Variants in FER observed in about 807,000 individuals in gnomAD.
FER encodes the protein FER tyrosine kinase.
Under a neutral mutation model 111.0 loss-of-function variants are expected in FER, and 63 were observed. That is an observed-to-expected ratio of 0.57 (90% CI 0.46 to 0.70). FER has a LOEUF of 0.70. Ranked by LOEUF, FER falls within the 30% of genes least tolerant of loss-of-function variation. The probability of loss-of-function intolerance (pLI) is 0.00; values close to 1 mark genes in which losing one functional copy is unlikely to be tolerated. For synonymous variants in FER, 327 were observed against 313.9 expected (o/e 1.04, Z -0.44); for missense variants, 914 against 954.0 (o/e 0.96, Z 0.55).
chr5:108,847,894 A>T (rs1049575767), intron 5 of FER, among the ~76,000 whole-genome samples: 7 of 151,034 alleles, frequency 4.6e-5, no homozygotes, highest in Non-Finnish European at 1.0e-4. Flanking sequence ...TTTATATTTT[A>T]TTTTTTTTAC....
intron 5 of FER, among the ~76,000 whole-genome samples, chr5:108,844,756 T>C (rs191025591): frequency 1.0e-3 from 156 of 151,966 alleles, no homozygotes; most frequent in Middle Eastern, 3.4e-3. Context: ...AGGAACCATA[T>C]AGTACACACT....
intron 17 of FER, among the ~76,000 whole-genome samples, chr5:109,164,898 A>T (rs1395359645): frequency 6.6e-6 from 1 of 152,144 alleles, no homozygotes; most frequent in Non-Finnish European, 1.5e-5. Flanking sequence ...TTTTAAACAG[A>T]TGAATCAACA....
At chr5:108,789,971 A>G (rs1448396349) in intron 2 of FER, among the ~76,000 whole-genome samples, 7 of 152,168 alleles carry the variant, frequency 4.6e-5, no homozygotes, top group South Asian at 4.1e-4. Flanking sequence ...AACAGAAGTG[A>G]TATTTTTCCA....
chr5:109,084,442 G>A (rs1777329898), intron 16 of FER, among the ~76,000 whole-genome samples: 1 of 151,800 alleles, frequency 6.6e-6, no homozygotes, highest in Admixed American at 6.6e-5. Context: ...CTACTGAATG[G>A]TACACTTAAA....
chr5:109,029,952 C>A (rs1428483107), intron 13 of FER, among the ~76,000 whole-genome samples: 2 of 152,074 alleles, frequency 1.3e-5, no homozygotes, highest in Non-Finnish European at 2.9e-5. Context: ...TCAGATTATA[C>A]AAATGTGGGA....
chr5:108,987,469 C>G (rs1290880401), intron 13 of FER, among the ~76,000 whole-genome samples: 2 of 151,952 alleles, frequency 1.3e-5, no homozygotes, highest in South Asian at 4.2e-4. Context: ...ACAAAAAAAT[C>G]GAAAACCAAA....
At chr5:108,836,948 G>A (rs1760729298) in intron 5 of FER, among the ~76,000 whole-genome samples, 1 of 152,012 alleles carries the variant, frequency 6.6e-6, no homozygotes, top group African/African-American at 2.4e-5. Flanking sequence ...GAAGTTGTAT[G>A]CATATTCACA....
chr5:108,948,340 T>C (rs1470990383), intron 11 of FER, among the ~76,000 whole-genome samples: 2 of 152,102 alleles, frequency 1.3e-5, no homozygotes, highest in African/African-American at 4.8e-5. Context: ...GAATATTGTA[T>C]TTGATGTCAT....
Position 108,863,196 on chromosome 5 carries a change from T to C in FER, c.482-4571T>C, listed in dbSNP as rs1384063685. Among the ~76,000 whole-genome samples, 3 of 152,166 alleles carry C rather than the reference T, an allele frequency of 2.0e-5. No individual in the cohort carries two copies. In the East Asian group the frequency reaches 5.8e-4, roughly 29 times the overall value. ...GTGAAGAGGCTTGATCTTGGTTCAC[T>C]GCAACCTCCGCCTCCTGGGTTAAAG... On this transcript the variant is annotated intron_variant, in intron 5 of 19. Coordinates refer to ENST00000281092, the MANE Select transcript of FER (RefSeq NM_005246.4).
intron 17 of FER, among the ~76,000 whole-genome samples, chr5:109,119,220 A>G (rs6896724): frequency 0.41 from 61,485 of 151,808 alleles, 12,706 homozygotes; most frequent in African/African-American, 0.45. Context: ...GTTTGTTCTC[A>G]TTGGTTTCAA....
intron 10 of FER, among the ~76,000 whole-genome samples, chr5:108,899,175 ACTATT>A (rs1749635262): frequency 6.6e-6 from 1 of 151,920 alleles, no homozygotes; most frequent in Non-Finnish European, 1.5e-5. Flanking sequence ...TATTACTATT[ACTATT>A]AAATATTAAA....
intron 10 of FER, among the ~76,000 whole-genome samples, chr5:108,942,208 T>C (rs1756367681): frequency 6.6e-6 from 1 of 152,140 alleles, no homozygotes; most frequent in Non-Finnish European, 1.5e-5. Flanking sequence ...TCTTGGGTCT[T>C]ATTTCCCTAG....
intron 9 of FER, among the ~76,000 whole-genome samples, chr5:108,892,903 A>T (rs1581083716): frequency 6.6e-6 from 1 of 152,318 alleles, no homozygotes; most frequent in East Asian, 1.9e-4. Context: ...CAGTTTTCCC[A>T]GCACCATTTA....
intron 17 of FER, among the ~76,000 whole-genome samples, chr5:109,159,247 A>G (rs1242655578): frequency 1.3e-5 from 2 of 152,188 alleles, no homozygotes; most frequent in Non-Finnish European, 2.9e-5. Flanking sequence ...AAATAGTTCT[A>G]AAAACCCTAC....
At chr5:109,110,869 T>G (rs72796573) in intron 17 of FER, among the ~76,000 whole-genome samples, 4,870 of 152,238 alleles carry the variant, frequency 0.032, 104 homozygotes, top group Middle Eastern at 0.092. Flanking sequence ...ACTCATAGCT[T>G]CTTTTCTACT....
At chr5:108,761,077 C>T (rs768634380) in intron 1 of FER, among the ~76,000 whole-genome samples, 22 of 151,914 alleles carry the variant, frequency 1.4e-4, no homozygotes, top group Non-Finnish European at 1.5e-4. Context: ...ATTACAGGTG[C>T]CCGCCACCAC....
intron 17 of FER, among the ~76,000 whole-genome samples, chr5:109,118,807 T>G (rs1750597425): frequency 6.6e-6 from 1 of 152,312 alleles, no homozygotes; most frequent in Admixed American, 6.5e-5. Flanking sequence ...GTGTTTATAG[T>G]ATTCTCTGAT....
intron 13 of FER, among the ~76,000 whole-genome samples, chr5:108,966,544 C>T (rs976209088): frequency 1.3e-5 from 2 of 151,854 alleles, no homozygotes; most frequent in African/African-American, 2.4e-5. Flanking sequence ...CGTGCCACCA[C>T]GCCGGGCTAA....
intron 11 of FER, among the ~76,000 whole-genome samples, chr5:108,949,736 A>C (rs1402980407): frequency 6.6e-6 from 1 of 152,128 alleles, no homozygotes; most frequent in East Asian, 1.9e-4. Flanking sequence ...TAGTAGTTTT[A>C]GTTGCAATGT....
Sources: allele counts gnomAD v4.1 joint callset (sites outside exome capture counted in the v4.1 genomes callset), GRCh38; gene constraint gnomAD v4.1.1; transcripts MANE v1.5; gene names NCBI Gene and HGNC (gene_info 2026-07-23, HGNC 2026-07-21).